Variants in FSTL5 observed in about 807,000 individuals in gnomAD.
FSTL5 encodes follistatin-related protein 5.
In FSTL5, 62 loss-of-function variants were observed where a neutral mutation model predicts 89.1. The observed-to-expected ratio is 0.70, with a 90% CI of 0.57 to 0.86. The LOEUF (loss-of-function observed/expected upper bound fraction) is 0.86. Ranked by LOEUF, FSTL5 falls within the 40% of genes least tolerant of loss-of-function variation. The pLI, the probability that FSTL5 is intolerant of heterozygous loss-of-function variation, is 0.00. For synonymous variants in FSTL5, 383 were observed against 346.2 expected (o/e 1.11, Z -1.18); for missense variants, 1,057 against 1,001.6 (o/e 1.06, Z -0.75).
intron 8 of FSTL5, among the ~76,000 whole-genome samples, chr4:161,556,552 T>C (rs182368620): frequency 6.5e-4 from 99 of 151,706 alleles, no homozygotes; most frequent in African/African-American, 2.2e-3. Flanking sequence ...GCTTGTTTAC[T>C]CATTTGTAAA....
intron 3 of FSTL5, among the ~76,000 whole-genome samples, chr4:161,971,019 A>T (rs1735467635): frequency 6.6e-6 from 1 of 150,468 alleles, no homozygotes; most frequent in African/African-American, 2.4e-5. Context: ...TTACTTTTTC[A>T]TCTGGGTATA....
chr4:162,121,470 TG>T (rs1367536781), intron 1 of FSTL5, among the ~76,000 whole-genome samples: 1 of 152,074 alleles, frequency 6.6e-6, no homozygotes, highest in Non-Finnish European at 1.5e-5. Flanking sequence ...TAATTCTACA[TG>T]TCCATTTTTA....
rs139004035 is a variant in FSTL5 at position 161,653,799 on chromosome 4, C to T, written c.894+2529G>A. Among the ~76,000 whole-genome samples the T allele has an allele frequency of 8.7e-3, 1,323 of 152,046 alleles. 26 individuals carry two copies. The highest frequency in any genetic ancestry group is 0.029 in the African/African-American group (1,205 of 41,490). Reference sequence around the variant, plus strand: ...GACTGTTGAAACTATAGTACTTAAACAAAAACACCAGGAATATATTGGAAA... The same window carrying T: ...GACTGTTGAAACTATAGTACTTAAATAAAAACACCAGGAATATATTGGAAA... On this transcript the variant is annotated intron_variant, in intron 7 of 15. Transcript: ENST00000306100.
intron 6 of FSTL5, among the ~76,000 whole-genome samples, chr4:161,736,785 T>C (rs1490716045): frequency 6.6e-6 from 1 of 152,076 alleles, no homozygotes; most frequent in Admixed American, 6.6e-5. Context: ...TAAATTGTAC[T>C]TGCAGAAGAT....
chr4:161,956,662 A>C (rs1735034120), intron 3 of FSTL5, among the ~76,000 whole-genome samples: 1 of 152,086 alleles, frequency 6.6e-6, no homozygotes, highest in East Asian at 1.9e-4. Context: ...GGGGAAAATG[A>C]TGCAAATGTC....
chr4:161,439,942 C>A (rs1175016925), intron 15 of FSTL5, among the ~76,000 whole-genome samples: 2 of 152,172 alleles, frequency 1.3e-5, no homozygotes, highest in South Asian at 2.1e-4. Flanking sequence ...TTTTCTCATC[C>A]CCTGGTCAGG....
intron 6 of FSTL5, among the ~76,000 whole-genome samples, chr4:161,758,629 G>A (rs1388484709): frequency 6.6e-6 from 1 of 151,832 alleles, no homozygotes; most frequent in Non-Finnish European, 1.5e-5. Context: ...GTGATTCTCC[G>A]GCCTCAGCCT....
At chr4:161,652,638 G>T (rs990316279) in intron 7 of FSTL5, among the ~76,000 whole-genome samples, 5 of 151,732 alleles carry the variant, frequency 3.3e-5, no homozygotes, top group Admixed American at 2.0e-4. Context: ...CTGCATTCAA[G>T]AATTAAATAA....
intron 3 of FSTL5, among the ~76,000 whole-genome samples, chr4:162,026,299 A>ATTTTTTTTTTTTTTTTT (rs1437294333): frequency 2.8e-4 from 3 of 10,814 alleles, no homozygotes; most frequent in African/African-American, 6.4e-4. Flanking sequence ...CAGCTTATGT[A>ATTTTTTTTTTTTTTTTT]TTTTCTTTTT....
intron 13 of FSTL5, among the ~76,000 whole-genome samples, chr4:161,473,061 G>C (rs1157909950): frequency 1.3e-5 from 2 of 152,038 alleles, no homozygotes; most frequent in Admixed American, 1.3e-4. Flanking sequence ...TTAATTTCTG[G>C]CCTAACATAT....
At chr4:162,086,505 C>T (rs1466283288) in intron 2 of FSTL5, among the ~76,000 whole-genome samples, 4 of 151,890 alleles carry the variant, frequency 2.6e-5, no homozygotes, top group African/African-American at 9.7e-5. Flanking sequence ...ATATGTCATG[C>T]ACTACCGTTA....
chr4:161,394,552 G>A (rs1730936700), intron 15 of FSTL5, among the ~76,000 whole-genome samples: 1 of 152,154 alleles, frequency 6.6e-6, no homozygotes, highest in South Asian at 2.1e-4. Flanking sequence ...AGAGATTACA[G>A]GCGTGAGCCA....
rs1186985900 is a variant in FSTL5 at position 161,384,667 on chromosome 4, C to A, written c.*1080G>T. On this transcript the variant is annotated 3_prime_UTR_variant, in exon 16 of 16. Coordinates refer to ENST00000306100, the MANE Select transcript of FSTL5 (RefSeq NM_020116.5). The stretch of plus-strand genomic sequence containing the variant: ...AAATAGCAAAAACAATGGAGTACTA[C>A]ATTTTTACTTACCACTGTCGGGCTA... 6.6e-6 allele frequency: 1 copy of A among 152,112 alleles called. No homozygotes were observed. Among genetic ancestry groups the A allele is most frequent in the African/African-American group, 2.4e-5 (1 of 41,446 alleles). 9.4% of individuals were successfully genotyped at this position (152,112 alleles called of 1,614,324 possible). A position where few individuals can be genotyped will look rare whatever the true frequency, so the allele number is the denominator to read the frequency against.
intron 3 of FSTL5, among the ~76,000 whole-genome samples, chr4:161,985,390 T>C (rs1171772042): frequency 6.6e-6 from 1 of 152,112 alleles, no homozygotes; most frequent in Non-Finnish European, 1.5e-5. Context: ...GTAGAACTAG[T>C]TTTTTTGAAA....
At chr4:161,832,795 C>T (rs528015668) in intron 4 of FSTL5, among the ~76,000 whole-genome samples, 1,704 of 150,700 alleles carry the variant, frequency 0.011, 30 homozygotes, top group African/African-American at 0.038. Context: ...GTCTTGCTAG[C>T]GGTCTATCAA....
At chr4:161,827,887 T>G (rs1730716102) in intron 4 of FSTL5, among the ~76,000 whole-genome samples, 1 of 152,084 alleles carries the variant, frequency 6.6e-6, no homozygotes, top group Admixed American at 6.6e-5. Context: ...CAGGTATGGT[T>G]TTCAGATTTC....
At chr4:161,431,459 A>C (rs1203610088) in intron 15 of FSTL5, among the ~76,000 whole-genome samples, 12 of 151,872 alleles carry the variant, frequency 7.9e-5, no homozygotes, top group South Asian at 4.2e-4. Context: ...AAAAAAAAAA[A>C]CAGATAAACA....
intron 6 of FSTL5, among the ~76,000 whole-genome samples, chr4:161,707,908 A>G (rs893241010): frequency 6.6e-6 from 1 of 151,682 alleles, no homozygotes; most frequent in African/African-American, 2.4e-5. Context: ...GGAGCAAAGC[A>G]TTAGAAATTA....
chr4:161,872,450 A>C (rs1160765754), intron 4 of FSTL5, among the ~76,000 whole-genome samples: 2 of 152,138 alleles, frequency 1.3e-5, no homozygotes, highest in East Asian at 3.9e-4. Context: ...AGACCTTCAA[A>C]AATTTTCACA....
Sources: gnomAD v4.1 joint callset for allele counts (sites outside exome capture counted in the v4.1 genomes callset) on GRCh38, gnomAD v4.1.1 for gene constraint, MANE v1.5 for transcripts, NCBI Gene and HGNC (gene_info 2026-07-23, HGNC 2026-07-21) for gene names.